The following SH3RF1 variants were observed in gnomAD, a reference collection of about 807,000 sequenced individuals.
SH3RF1 encodes the protein SH3 domain containing ring finger 1.
Under a neutral mutation model 74.0 loss-of-function variants are expected in SH3RF1, and 32 were observed. The observed-to-expected ratio is 0.43, with a 90% CI of 0.33 to 0.58. The LOEUF is 0.58. Ranked by LOEUF, SH3RF1 falls within the 20% of genes least tolerant of loss-of-function variation. The pLI is 0.05. For synonymous variants in SH3RF1, 396 were observed against 439.6 expected, an observed-to-expected ratio of 0.90 and a Z score of 1.24; for missense variants, 954 against 1,130.9, an observed-to-expected ratio of 0.84 and a Z score of 2.24.
intron 2 of SH3RF1, among the ~76,000 whole-genome samples, chr4:169,177,914 T>C (rs912882726): frequency 5.9e-5 from 9 of 152,024 alleles, no homozygotes; most frequent in African/African-American, 2.2e-4. Flanking sequence ...ATATATGTGA[T>C]AGTTAAAGGC....
chr4:169,167,706 G>T (rs924073862), intron 2 of SH3RF1, among the ~76,000 whole-genome samples: 5 of 152,170 alleles, frequency 3.3e-5, no homozygotes, highest in Admixed American at 2.0e-4. Flanking sequence ...TTGCCCATAG[G>T]AGGTGGGCAA....
At chr4:169,235,751 G>A (rs1730814835) in intron 2 of SH3RF1, among the ~76,000 whole-genome samples, 1 of 151,974 alleles carries the variant, frequency 6.6e-6, no homozygotes, top group Non-Finnish European at 1.5e-5. Flanking sequence ...GAGTGCAACG[G>A]TGCAATCTTG....
chr4:169,242,719 T>A (rs1730933017), intron 2 of SH3RF1, among the ~76,000 whole-genome samples: 1 of 151,702 alleles, frequency 6.6e-6, no homozygotes, highest in Non-Finnish European at 1.5e-5. Flanking sequence ...ATGAAGGGAG[T>A]GGGTTTGTTA....
In SH3RF1 at chr4:169,096,049, G is replaced by A. The variant is rs1732923555; in HGVS notation, c.*470C>T. 6.5e-6 allele frequency: 1 copy of A among 152,742 alleles called. No homozygotes were observed. The highest frequency in any genetic ancestry group is 2.1e-4 in the South Asian group (1 of 4,834). 9.5% of individuals were successfully genotyped at this position (152,742 alleles called of 1,614,324 possible). A position where few individuals can be genotyped will look rare whatever the true frequency, so the allele number is the denominator to read the frequency against. On this transcript the variant is annotated 3_prime_UTR_variant, in exon 12 of 12. Transcript: ENST00000284637. ...AATGGTAGCAGGGAGGAGGAGAGGG[G>A]AAAATGCATTCACTCTATGTCAAAA...
intron 11 of SH3RF1, among the ~76,000 whole-genome samples, chr4:169,099,155 C>A (rs1170788923): frequency 2.0e-5 from 3 of 152,176 alleles, no homozygotes. Context: ...TGCAGTGATG[C>A]AATCACAGCT....
chr4:169,243,273 G>A (rs1730942346), intron 2 of SH3RF1, among the ~76,000 whole-genome samples: 1 of 152,192 alleles, frequency 6.6e-6, no homozygotes, highest in Non-Finnish European at 1.5e-5. Context: ...TGAACTTTGG[G>A]AGGTCGAAGC....
chr4:169,117,861 G>T, intron 8 of SH3RF1, 79 bp from the exon 9 acceptor site: 1 of 1,492,470 alleles, frequency 6.7e-7, no homozygotes, highest in Admixed American at 2.2e-5. Flanking sequence ...CAAGAAAAAT[G>T]ACTCAGAGCT....
At chr4:169,140,242 A>C (rs1733762147) in intron 4 of SH3RF1, among the ~76,000 whole-genome samples, 1 of 152,254 alleles carries the variant, frequency 6.6e-6, no homozygotes, top group South Asian at 2.1e-4. Context: ...AACAATAGGA[A>C]ACCAAGAATC....
intron 2 of SH3RF1, among the ~76,000 whole-genome samples, chr4:169,210,704 C>T (rs140181893): frequency 2.6e-5 from 4 of 152,154 alleles, no homozygotes; most frequent in African/African-American, 9.7e-5. Flanking sequence ...TGTAAACTAC[C>T]CTTGTGTCAA....
In SH3RF1 at chr4:169,258,048, A is replaced by T. The variant is rs1228522694; in HGVS notation, c.393+10772T>A. Reference sequence around the variant, plus strand: ...GAGTTTGTCCTAAATGTTTGATATCAAAGTTGGCTTTTGCTACGGTAATTA... The same window carrying T: ...GAGTTTGTCCTAAATGTTTGATATCTAAGTTGGCTTTTGCTACGGTAATTA... On this transcript the variant is annotated intron_variant, in intron 2 of 11. Transcript: ENST00000284637. 3.9e-5 allele frequency among the ~76,000 whole-genome samples: 6 copies of T among 152,238 alleles called. No homozygotes were observed. The East Asian group carries it at 1.2e-3, about 29-fold the overall frequency.
chr4:169,145,762 T>C (rs989701241), intron 4 of SH3RF1, among the ~76,000 whole-genome samples: 2 of 144,402 alleles, frequency 1.4e-5, no homozygotes, highest in Admixed American at 1.4e-4. Context: ...CTATATAAAA[T>C]ATATAAAATA....
chr4:169,134,894 AGTTGTGC>A (rs1407849529), intron 5 of SH3RF1, among the ~76,000 whole-genome samples: 2 of 152,230 alleles, frequency 1.3e-5, no homozygotes, highest in African/African-American at 4.8e-5. Context: ...CTCATGTTCT[AGTTGTGC>A]GTTGTGCGTG....
chr4:169,222,670 T>C (rs1271532914), intron 2 of SH3RF1, among the ~76,000 whole-genome samples: 1 of 152,036 alleles, frequency 6.6e-6, no homozygotes, highest in African/African-American at 2.4e-5. Context: ...GGAATAGTAA[T>C]CTGAGGACAA....
chr4:169,257,693 G>A (rs942489845), intron 2 of SH3RF1, among the ~76,000 whole-genome samples: 1 of 152,228 alleles, frequency 6.6e-6, no homozygotes, highest in African/African-American at 2.4e-5. Flanking sequence ...TTAATATGCA[G>A]ACAATCTCTA....
At chr4:169,189,725 T>C (rs772096794) in intron 2 of SH3RF1, among the ~76,000 whole-genome samples, 4 of 152,210 alleles carry the variant, frequency 2.6e-5, no homozygotes, top group Non-Finnish European at 5.9e-5. Flanking sequence ...TGCGTGCTCT[T>C]GGGCAAGTTG....
chr4:169,131,804 G>T (rs935664523), intron 5 of SH3RF1, among the ~76,000 whole-genome samples: 3 of 152,222 alleles, frequency 2.0e-5, no homozygotes, highest in Non-Finnish European at 2.9e-5. Context: ...TTCAGCCTCT[G>T]ATTGGTTGCT....
intron 11 of SH3RF1, among the ~76,000 whole-genome samples, chr4:169,104,368 G>A (rs1733095767): frequency 6.6e-6 from 1 of 152,154 alleles, no homozygotes; most frequent in East Asian, 1.9e-4. Flanking sequence ...AGGGACAGAA[G>A]GTGCTATCCC....
chr4:169,174,144 GC>G (rs1385499421), intron 2 of SH3RF1, among the ~76,000 whole-genome samples: 3 of 152,148 alleles, frequency 2.0e-5, no homozygotes, highest in East Asian at 3.9e-4. Flanking sequence ...GCTCACTGCA[GC>G]CCCGACCTCC....
At position 169,107,075 on chromosome 4, in the gene SH3RF1, A is replaced by C. The variant is rs911438934; in HGVS notation, c.2270T>G (p.Val757Gly). 1.2e-6 allele frequency: 2 copies of C among 1,613,952 alleles called. No individual in the cohort carries two copies. The highest frequency in any genetic ancestry group is 3.3e-4 in the Middle Eastern group (2 of 5,978). ...GSAELPLQGA[V>G]GPELPPGGGH... is the part of the protein sequence containing the mutation. ...ACCTCCTGGTGGCAGTTCGGGCCCC[A>C]CCGCTCCCTGGAGAGGAAGCTCTGC... Residue 757 changes from valine (V) to glycine (G), a missense_variant, in exon 11 of 12, where the codon GTG becomes GGG. Val to Gly is a moderately radical substitution (Grantham distance 109). Around this residue, in one of 3 missense-constraint regions of SH3RF1, gnomAD observed 854 missense variants for 962.5 expected, o/e 0.89. Coordinates refer to ENST00000284637, the MANE Select transcript of SH3RF1 (RefSeq NM_020870.4).
Sources: gnomAD v4.1 joint callset for allele counts (sites outside exome capture counted in the v4.1 genomes callset) on GRCh38, gnomAD v4.1.1 for gene constraint, gnomAD v4.1.1 regional missense constraint, MANE v1.5 for transcripts, NCBI Gene and HGNC (gene_info 2026-07-23, HGNC 2026-07-21) for gene names.